The following CHN2 variants were observed in gnomAD, a reference collection of about 807,000 sequenced individuals.
The protein encoded by CHN2 is chimerin 2, also known as beta-chimaerin.
In CHN2, 35 loss-of-function variants were observed where a neutral mutation model predicts 56.3. The observed-to-expected ratio is 0.62, with a 90% CI of 0.47 to 0.82. The LOEUF (loss-of-function observed/expected upper bound fraction) is 0.82. Ranked by LOEUF, CHN2 falls within the 40% of genes least tolerant of loss-of-function variation. CHN2 has a pLI of 0.00. For missense variants in CHN2, 491 were observed against 580.5 expected, an observed-to-expected ratio of 0.85 and a Z score of 1.58; for synonymous variants, 210 against 212.8, an observed-to-expected ratio of 0.99 and a Z score of 0.12.
At chr7:29,382,479 TA>T (rs936027325) in intron 3 of CHN2, among the ~76,000 whole-genome samples, 2 of 152,200 alleles carry the variant, frequency 1.3e-5, no homozygotes, top group African/African-American at 4.8e-5. Flanking sequence ...TTTCCATGGA[TA>T]CCCCTTTTGA....
chr7:29,158,203 A>G (rs546207296), intron 2 of CHN2, among the ~76,000 whole-genome samples: 2 of 152,350 alleles, frequency 1.3e-5, no homozygotes, highest in South Asian at 2.1e-4. Flanking sequence ...TCCGGAATGA[A>G]TGAATGTCTA....
chr7:29,222,793 C>CA (rs1785905351), intron 1 of CHN2, among the ~76,000 whole-genome samples: 1 of 151,828 alleles, frequency 6.6e-6, no homozygotes, highest in African/African-American at 2.4e-5. Flanking sequence ...ATAACTGAAG[C>CA]AATACTAACT....
chr7:29,264,826 A>C (rs911529601), intron 1 of CHN2, among the ~76,000 whole-genome samples: 5 of 152,120 alleles, frequency 3.3e-5, no homozygotes, highest in African/African-American at 4.8e-5. Flanking sequence ...AGGGGAAAAA[A>C]AAAAAAAGAA....
chr7:29,468,136 A>ACC (rs761559871), intron 6 of CHN2, among the ~76,000 whole-genome samples: 1 of 36,140 alleles, frequency 2.8e-5, no homozygotes, highest in African/African-American at 1.0e-4. Context: ...AACCAAACGG[A>ACC]CCCGCCCCCC....
intron 6 of CHN2, among the ~76,000 whole-genome samples, chr7:29,448,995 A>T (rs867284775): frequency 6.6e-6 from 1 of 152,230 alleles, no homozygotes; most frequent in African/African-American, 2.4e-5. Flanking sequence ...CCCTTCATCA[A>T]ACCCAGCATT....
At chr7:29,229,916 G>T (rs1402128135) in intron 1 of CHN2, among the ~76,000 whole-genome samples, 1 of 152,154 alleles carries the variant, frequency 6.6e-6, no homozygotes, top group Non-Finnish European at 1.5e-5. Flanking sequence ...GGTCAAGGCT[G>T]CAGTGAGCTG....
At chr7:29,393,594 C>T (rs2128075404) in intron 3 of CHN2, 85 bp from the exon 4 acceptor site, 1 of 607,712 alleles carries the variant, frequency 1.6e-6, no homozygotes, top group South Asian at 1.7e-5. Context: ...CTACCAGGAC[C>T]CTAGTTCTGT....
At chr7:29,247,671 G>A (rs937998173) in intron 1 of CHN2, among the ~76,000 whole-genome samples, 1 of 152,202 alleles carries the variant, frequency 6.6e-6, no homozygotes, top group African/African-American at 2.4e-5. Context: ...CCGCCCCGAT[G>A]GTGCCTCACG....
At chr7:29,511,828 GAGAT>G (rs72334977) in intron 12 of CHN2, among the ~76,000 whole-genome samples, 44,667 of 151,802 alleles carry the variant, frequency 0.29, 6,739 homozygotes, top group Admixed American at 0.34. Context: ...AAAACTCTGG[GAGAT>G]AGATAGATTG....
intron 6 of CHN2, among the ~76,000 whole-genome samples, chr7:29,473,500 G>GTT (rs1010046289): frequency 7.1e-6 from 1 of 140,518 alleles, no homozygotes. Context: ...GTGTGTGTGT[G>GTT]TGTGTGTTCT....
intron 1 of CHN2, among the ~76,000 whole-genome samples, chr7:29,228,079 A>G (rs1287214461): frequency 6.6e-6 from 1 of 151,900 alleles, no homozygotes; most frequent in Non-Finnish European, 1.5e-5. Context: ...TAAAATCCAG[A>G]TATCTACAAG....
intron 1 of CHN2, among the ~76,000 whole-genome samples, chr7:29,219,318 G>A (rs562669102): frequency 6.4e-4 from 97 of 152,234 alleles, no homozygotes; most frequent in African/African-American, 2.3e-3. Flanking sequence ...ACAATCTTTA[G>A]GGTAATCATT....
rs201678704 is a variant in CHN2 at position 29,277,842 on chromosome 7, C to T, written c.50-76783C>T. Among the ~76,000 whole-genome samples, 37 of 152,296 alleles carry T rather than the reference C, an allele frequency of 2.4e-4. 1 individual carries two copies. In the East Asian group the frequency reaches 4.6e-3, roughly 19 times the overall value. On this transcript the variant is annotated intron_variant, in intron 1 of 12. Transcript: ENST00000222792. ...CTCCGCCACTACCTCTTTTAGCTCC[C>T]ATTTATTGAGTGTAGTTGTTTTCCA...
chr7:29,161,215 A>G (rs1180395875), intron 2 of CHN2, among the ~76,000 whole-genome samples: 1 of 152,166 alleles, frequency 6.6e-6, no homozygotes, highest in African/African-American at 2.4e-5. Flanking sequence ...GTCTTAGCAC[A>G]TGAGGGTTTG....
At chr7:29,441,843 T>C (rs1395930429) in intron 6 of CHN2, among the ~76,000 whole-genome samples, 2 of 152,164 alleles carry the variant, frequency 1.3e-5, no homozygotes, top group Non-Finnish European at 2.9e-5. Flanking sequence ...AAGTGTAAAT[T>C]GGTGCAGCCT....
intron 4 of CHN2, chr7:29,397,675 T>C (rs1801862939): frequency 6.6e-6 from 1 of 152,160 alleles, no homozygotes; most frequent in African/African-American, 2.4e-5. Flanking sequence ...CACTGTCCAC[T>C]CTCTGGGCCT....
At chr7:29,234,661 A>G (rs1787041441) in intron 1 of CHN2, among the ~76,000 whole-genome samples, 1 of 152,192 alleles carries the variant, frequency 6.6e-6, no homozygotes, top group Admixed American at 6.5e-5. Flanking sequence ...CTTGTTGTTC[A>G]GTCAAACTGA....
chr7:29,269,591 T>C (rs185526945), intron 1 of CHN2, among the ~76,000 whole-genome samples: 1 of 152,346 alleles, frequency 6.6e-6, no homozygotes, highest in African/African-American at 2.4e-5. Flanking sequence ...CTGGATCATA[T>C]GGTAGTTCTA....
intron 1 of CHN2, among the ~76,000 whole-genome samples, chr7:29,284,611 G>A (rs1240592180): frequency 6.6e-6 from 1 of 152,170 alleles, no homozygotes; most frequent in African/African-American, 2.4e-5. Context: ...ATCAGTCTCA[G>A]CGAAGTGAAT....
Sources: allele counts gnomAD v4.1 joint callset (sites outside exome capture counted in the v4.1 genomes callset), GRCh38; gene constraint gnomAD v4.1.1; transcripts MANE v1.5; gene names NCBI Gene and HGNC (gene_info 2026-07-23, HGNC 2026-07-21).